Variants in CHRDL1 observed in about 807,000 individuals in gnomAD.
CHRDL1 encodes chordin like 1.
A neutral mutation model predicts 40.9 loss-of-function variants in CHRDL1; 19 were observed. The observed-to-expected ratio is 0.46, with a 90% confidence interval of 0.32 to 0.68. The LOEUF (loss-of-function observed/expected upper bound fraction) is 0.68. Among genes scored for constraint, CHRDL1 ranks in the 30% least tolerant of loss-of-function variants. CHRDL1 has a pLI of 0.03. For synonymous variants in CHRDL1, 136 were observed against 123.4 expected (o/e 1.10, Z -0.68); for missense variants, 329 against 352.1 (o/e 0.93, Z 0.53).
intron 6 of CHRDL1, among the ~76,000 whole-genome samples, chrX:110,711,833 C>T (rs960781608): frequency 1.8e-5 from 2 of 112,221 alleles, no homozygotes; most frequent in Non-Finnish European, 3.8e-5. Flanking sequence ...ATCTTGAACA[C>T]TGACTAATAT....
intron 2 of CHRDL1, among the ~76,000 whole-genome samples, chrX:110,779,752 C>T (rs2089910872): frequency 9.0e-6 from 1 of 111,158 alleles, no homozygotes; most frequent in Non-Finnish European, 1.9e-5. Context: ...TATTGTATTG[C>T]ATCTATTCAT....
At position 110,693,917 on chromosome X, in the gene CHRDL1, A is replaced by C. The variant is rs762060630; in HGVS notation, c.778+246T>G. Among the ~76,000 whole-genome samples, 5 of 111,659 alleles carry C rather than the reference A, an allele frequency of 4.5e-5. No homozygotes were observed. The East Asian group carries it at 1.4e-3, about 32-fold the overall frequency. ...CCCAAATGACCTACAATCCCCAGGG[A>C]TAATTGAGAAAATACAAGAGGCTGT... On this transcript the variant is annotated intron_variant, in intron 8 of 11. Transcript: ENST00000372042.
rs749651375 is a variant in CHRDL1, at chrX:110,680,182, G to C, written c.1157-757C>G. 5.4e-5 allele frequency among the ~76,000 whole-genome samples: 6 copies of C among 111,493 alleles called. No homozygotes were observed. In the South Asian group the frequency reaches 2.3e-3, roughly 43 times the overall value. The stretch of plus-strand genomic sequence containing the variant: ...ACTGTGAACAAGAGGATATTTAGAC[G>C]CTACATTAGCAAGTTGAAATTCATC... On this transcript the variant is annotated intron_variant, in intron 10 of 11. Transcript: ENST00000372042.
intron 4 of CHRDL1, among the ~76,000 whole-genome samples, chrX:110,748,398 T>C (rs1449801711): frequency 2.7e-5 from 3 of 111,750 alleles, no homozygotes; most frequent in African/African-American, 9.8e-5. Flanking sequence ...CAGCTCCTAA[T>C]AGATGACACT....
At chrX:110,770,510 G>GA (rs953368678) in intron 2 of CHRDL1, among the ~76,000 whole-genome samples, 2 of 109,844 alleles carry the variant, frequency 1.8e-5, no homozygotes, top group East Asian at 5.7e-4. Flanking sequence ...GACAAAATAA[G>GA]AAAAAAAATA....
intron 2 of CHRDL1, among the ~76,000 whole-genome samples, chrX:110,789,643 C>G (rs906983691): frequency 9.0e-6 from 1 of 111,683 alleles, no homozygotes; most frequent in African/African-American, 3.2e-5. Context: ...TGAGCAAAAG[C>G]AAATCACAGA....
intron 4 of CHRDL1, among the ~76,000 whole-genome samples, chrX:110,749,920 T>C (rs953885183): frequency 1.8e-5 from 2 of 111,829 alleles, no homozygotes; most frequent in Admixed American, 9.5e-5. Context: ...AACACTAAAG[T>C]GAAAAACTTG....
At chrX:110,770,041 C>T (rs1005568971) in intron 2 of CHRDL1, among the ~76,000 whole-genome samples, 2 of 112,290 alleles carry the variant, frequency 1.8e-5, no homozygotes, top group South Asian at 3.7e-4. Flanking sequence ...ATTTTTCAAA[C>T]CTTTCTTTAC....
chrX:110,731,037 A>C (rs2071150192), intron 4 of CHRDL1, among the ~76,000 whole-genome samples: 1 of 111,228 alleles, frequency 9.0e-6, no homozygotes, highest in Non-Finnish European at 1.9e-5. Context: ...AGGGAAAGCA[A>C]TCAATAGAGC....
chrX:110,790,152 T>G (rs1445709012), intron 2 of CHRDL1, among the ~76,000 whole-genome samples: 1 of 111,973 alleles, frequency 8.9e-6, no homozygotes, highest in African/African-American at 3.2e-5. Context: ...GCAGAGATGA[T>G]TTTGCATGTC....
intron 2 of CHRDL1, among the ~76,000 whole-genome samples, chrX:110,779,881 T>C (rs2089913117): frequency 1.8e-5 from 2 of 111,904 alleles, no homozygotes; most frequent in Middle Eastern, 4.6e-3. Flanking sequence ...GCTTTCATCA[T>C]ATAGATACTG....
chrX:110,692,156 T>A (rs1047299355), intron 8 of CHRDL1, among the ~76,000 whole-genome samples: 6 of 111,492 alleles, frequency 5.4e-5, no homozygotes, highest in African/African-American at 2.0e-4. Context: ...GCAGGCAGGA[T>A]TCCCAGTGTT....
At chrX:110,771,723 A>T (rs1260090364) in intron 2 of CHRDL1, among the ~76,000 whole-genome samples, 1 of 111,737 alleles carries the variant, frequency 8.9e-6, no homozygotes, top group African/African-American at 3.2e-5. Context: ...CTAATATTAC[A>T]CTTAATGGCA....
intron 7 of CHRDL1, 139 bp downstream of exon 7, chrX:110,700,515 A>G: frequency 2.1e-6 from 1 of 482,727 alleles, no homozygotes; most frequent in East Asian, 3.5e-5. Flanking sequence ...GATGACATTA[A>G]AAACTTTGAG....
rs1472111130 is a variant in CHRDL1, at chrX:110,689,490, CTCTATATA to C, written c.779-695_779-688del. ...TATCTATATATCTATATATCTATAT[CTCTATATA>C]TCTATATATCTATATCTCTATATAT... On this transcript the variant is annotated intron_variant, in intron 8 of 11. Coordinates refer to ENST00000372042, the MANE Select transcript of CHRDL1 (RefSeq NM_001143981.2). Among the ~76,000 whole-genome samples, 27 of 35,220 alleles carry C rather than the reference CTCTATATA, an allele frequency of 7.7e-4. 5 individuals carry two copies. Among genetic ancestry groups the C allele is most frequent in the South Asian group, 3.7e-3 (5 of 1,341 alleles). The allele number at this position is 35,220 out of a possible 115,157, so 30.6% of individuals were successfully genotyped here.
chrX:110,713,769 C>T (rs1422049975), intron 6 of CHRDL1, among the ~76,000 whole-genome samples: 1 of 112,508 alleles, frequency 8.9e-6, no homozygotes, highest in African/African-American at 3.2e-5. Context: ...TGAGCTATTC[C>T]ACACATAAGT....
chrX:110,686,699 G>A, intron 9 of CHRDL1, among the ~76,000 whole-genome samples: 1 of 108,496 alleles, frequency 9.2e-6, no homozygotes, highest in Non-Finnish European at 1.9e-5. Context: ...AGGCTGAGGC[G>A]AGTGGGTCAC....
intron 8 of CHRDL1, among the ~76,000 whole-genome samples, chrX:110,689,266 T>C (rs757552980): frequency 0.47 from 44,578 of 95,700 alleles, 8,670 homozygotes; most frequent in African/African-American, 0.67. Flanking sequence ...TTTTTTTTTT[T>C]TTTTAATTTT....
chrX:110,691,510 T>G (rs2070277224), intron 8 of CHRDL1, among the ~76,000 whole-genome samples: 1 of 110,369 alleles, frequency 9.1e-6, no homozygotes, highest in East Asian at 2.8e-4. Context: ...CAGGGAAACC[T>G]GTTGGCATCC....
Sources: gnomAD v4.1 joint callset for allele counts (sites outside exome capture counted in the v4.1 genomes callset) on GRCh38, gnomAD v4.1.1 for gene constraint, MANE v1.5 for transcripts, NCBI Gene and HGNC (gene_info 2026-07-23, HGNC 2026-07-21) for gene names.